Variants in LRFN5 observed in about 807,000 individuals in gnomAD.
The protein encoded by LRFN5 is leucine rich repeat and fibronectin type III domain containing 5, also known as leucine-rich repeat and fibronectin type-III domain-containing protein 5.
A neutral mutation model predicts 45.6 loss-of-function variants in LRFN5; 24 were observed. The observed-to-expected ratio is 0.53, with a 90% CI of 0.38 to 0.74. The LOEUF (loss-of-function observed/expected upper bound fraction) is 0.74. Ranked by LOEUF, LRFN5 falls within the 30% of genes least tolerant of loss-of-function variation. The probability of loss-of-function intolerance (pLI) is 0.00; values close to 1 mark genes in which losing one functional copy is unlikely to be tolerated. For synonymous variants in LRFN5, 340 were observed against 313.8 expected (o/e 1.08, Z -0.88); for missense variants, 776 against 861.5 (o/e 0.90, Z 1.24).
chr14:41,774,164 A>G (rs1045668775), intron 2 of LRFN5, among the ~76,000 whole-genome samples: 2 of 152,212 alleles, frequency 1.3e-5, no homozygotes, highest in Admixed American at 6.5e-5. Flanking sequence ...ATGCATGACA[A>G]CAATCTTAAT....
rs185669755 is a variant in LRFN5 at position 41,853,207 on chromosome 14, G to A, written c.-20-33399G>A. On this transcript the variant is annotated intron_variant, in intron 2 of 5. Coordinates refer to ENST00000298119, the MANE Select transcript of LRFN5 (RefSeq NM_152447.5). Reference sequence around the variant, plus strand: ...CCTGAATTTTTCAAATAAATTGTTCGCTATGTGTGAGAGATCAATGCATAT... The same window carrying A: ...CCTGAATTTTTCAAATAAATTGTTCACTATGTGTGAGAGATCAATGCATAT... 1.9e-4 allele frequency among the ~76,000 whole-genome samples: 29 copies of A among 151,912 alleles called. No homozygotes were observed. In the East Asian group the frequency reaches 4.9e-3, roughly 25 times the overall value.
At chr14:41,889,942 C>T (rs1470000136) in intron 3 of LRFN5, among the ~76,000 whole-genome samples, 1 of 152,122 alleles carries the variant, frequency 6.6e-6, no homozygotes, top group Non-Finnish European at 1.5e-5. Flanking sequence ...CGGCTCACTG[C>T]AACCTCTGCC....
chr14:41,740,092 G>A (rs950635153), intron 1 of LRFN5, among the ~76,000 whole-genome samples: 2 of 152,046 alleles, frequency 1.3e-5, no homozygotes, highest in Non-Finnish European at 1.5e-5. Flanking sequence ...GGGCATGATA[G>A]CCTCACTGCC....
intron 4 of LRFN5, chr14:41,894,525 G>A: frequency 1.0e-6 from 1 of 964,058 alleles, no homozygotes; most frequent in Middle Eastern, 5.4e-4. Flanking sequence ...CCTTCAAAAA[G>A]TCTATATTTT....
Position 41,887,080 on chromosome 14 carries a change from TG to T in LRFN5, c.457del (p.Asp153IlefsTer7). On this transcript the variant is annotated frameshift_variant, in exon 3 of 6. Coordinates refer to ENST00000298119, the MANE Select transcript of LRFN5 (RefSeq NM_152447.5). LOFTEE classifies it high-confidence loss of function. This position sits in a 1 kb window ranked among gnomAD's most constrained non-coding sequence, Gnocchi z 4.8. The part of the protein sequence containing the change: ...AFDDVFALEE[L>X]DLSYNNLETI... ...GATGATGTCTTCGCCCTTGAGGAGCTGGATCTGTCCTATAATAATCTAGAAA... is the reference window on the plus strand; with the variant it reads ...GATGATGTCTTCGCCCTTGAGGAGCTGATCTGTCCTATAATAATCTAGAAA... 6.2e-7 allele frequency: 1 copy of T among 1,614,084 alleles called. No homozygotes were observed. Among genetic ancestry groups the T allele is most frequent in the Non-Finnish European group, 8.5e-7 (1 of 1,180,036 alleles).
At chr14:41,862,646 C>A (rs1594475083) in intron 2 of LRFN5, among the ~76,000 whole-genome samples, 1 of 152,236 alleles carries the variant, frequency 6.6e-6, no homozygotes, top group East Asian at 1.9e-4. Flanking sequence ...TATGATTGTG[C>A]AAATTACAGA....
Position 41,882,757 on chromosome 14 carries a change from C to T in LRFN5, c.-20-3849C>T, listed in dbSNP as rs1221107524. ...AGTTTGGTAAAATATAGGCAGGATT[C>T]GTTTTATCCCAAGTTATGTCAGATA... On this transcript the variant is annotated intron_variant, in intron 2 of 5. Transcript: ENST00000298119. Among the ~76,000 whole-genome samples, 7 of 150,498 alleles carry T rather than the reference C, an allele frequency of 4.7e-5. No individual in the cohort carries two copies. The East Asian group carries it at 1.4e-3, about 29-fold the overall frequency.
rs991452277 is a variant in LRFN5 at position 41,901,986 on chromosome 14, G to C, written c.2143-2172G>C. On this transcript the variant is annotated intron_variant, in intron 5 of 5. Coordinates refer to ENST00000298119, the MANE Select transcript of LRFN5 (RefSeq NM_152447.5). The stretch of plus-strand genomic sequence containing the variant: ...AACATTATAACAAATTTTAAAAAAG[G>C]AGAGCCTTTGGGTCAGCAATGACCT... Among the ~76,000 whole-genome samples, 3 of 151,892 alleles carry C rather than the reference G, an allele frequency of 2.0e-5. No homozygotes were observed. The East Asian group carries it at 5.8e-4, about 29-fold the overall frequency.
At chr14:41,762,476 T>G (rs1246127817) in intron 1 of LRFN5, among the ~76,000 whole-genome samples, 5 of 152,164 alleles carry the variant, frequency 3.3e-5, no homozygotes, top group Non-Finnish European at 7.4e-5. Flanking sequence ...ACAAATGCAT[T>G]TTCATATTCA....
At chr14:41,701,724 CA>C (rs1432740467) in intron 1 of LRFN5, among the ~76,000 whole-genome samples, 1 of 152,082 alleles carries the variant, frequency 6.6e-6, no homozygotes, top group African/African-American at 2.4e-5. Flanking sequence ...TGACACAGAT[CA>C]CCAAGAGGAC....
chr14:41,787,704 G>A (rs1317837214), intron 2 of LRFN5, among the ~76,000 whole-genome samples: 2 of 151,406 alleles, frequency 1.3e-5, no homozygotes, highest in Non-Finnish European at 2.9e-5. Context: ...TTCATTACGG[G>A]AATATAACTT....
chr14:41,712,771 G>A (rs118023333), intron 1 of LRFN5, among the ~76,000 whole-genome samples: 424 of 152,022 alleles, frequency 2.8e-3, no homozygotes, highest in Admixed American at 6.4e-3. Context: ...TTCCACTTTT[G>A]CTGCTCCTCC....
chr14:41,609,893 A>G (rs1403108192), intron 1 of LRFN5, among the ~76,000 whole-genome samples: 1 of 152,138 alleles, frequency 6.6e-6, no homozygotes, highest in African/African-American at 2.4e-5. Context: ...TTCTATAGAT[A>G]TCCATATGAT....
At chr14:41,885,848 T>G (rs1890549775) in intron 2 of LRFN5, among the ~76,000 whole-genome samples, 1 of 151,786 alleles carries the variant, frequency 6.6e-6, no homozygotes, top group East Asian at 1.9e-4. Flanking sequence ...AAACCCTGTC[T>G]CTACTAAAAA....
At chr14:41,903,242 CTT>C (rs1458798179) in intron 5 of LRFN5, among the ~76,000 whole-genome samples, 4 of 151,246 alleles carry the variant, frequency 2.6e-5, no homozygotes, top group African/African-American at 9.7e-5. Context: ...ACTTTAATAA[CTT>C]TATCACATAA....
intron 2 of LRFN5, among the ~76,000 whole-genome samples, chr14:41,860,662 G>A (rs1014485344): frequency 1.2e-4 from 19 of 152,140 alleles, no homozygotes; most frequent in Non-Finnish European, 2.4e-4. Flanking sequence ...TTTTCATCAA[G>A]TTTGGATAAG....
In LRFN5 at chr14:41,823,040, T is replaced by C. The variant is rs148687023; in HGVS notation, c.-21+56011T>C. 5.3e-3 allele frequency among the ~76,000 whole-genome samples: 800 copies of C among 152,114 alleles called. 3 individuals are homozygous for C. The highest frequency in any genetic ancestry group is 8.4e-3 in the Non-Finnish European group (574 of 67,934). ...AGTCTATAAGTGTCATTACTAGTTA[T>C]GCGGGCTTCTTGTAAGCAGCATATG... On this transcript the variant is annotated intron_variant, in intron 2 of 5. Transcript: ENST00000298119.
At chr14:41,893,593 A>C in intron 4 of LRFN5, 1 of 985,340 alleles carries the variant, frequency 1.0e-6, no homozygotes. Context: ...ACAAGTGAGG[A>C]ATGTGGAATC....
intron 1 of LRFN5, among the ~76,000 whole-genome samples, chr14:41,650,707 A>G (rs1484121237): frequency 6.6e-6 from 1 of 152,172 alleles, no homozygotes; most frequent in Non-Finnish European, 1.5e-5. Flanking sequence ...AAAAAGGAAG[A>G]AAACATCTTG....
Sources: allele counts gnomAD v4.1 joint callset (sites outside exome capture counted in the v4.1 genomes callset), GRCh38; gene constraint gnomAD v4.1.1; non-coding constraint Gnocchi (gnomAD v3.1); transcripts MANE v1.5; gene names NCBI Gene and HGNC (gene_info 2026-07-23, HGNC 2026-07-21).